OR2L13: variants seen among roughly 807,000 people sequenced by gnomAD.
OR2L13 encodes the protein olfactory receptor 2L13.
Under a neutral mutation model 15.3 loss-of-function variants are expected in OR2L13, and 14 were observed. The observed-to-expected ratio is 0.91, with a 90% CI of 0.60 to 1.43. OR2L13 has a LOEUF of 1.43. Among genes scored for constraint, OR2L13 ranks in the 40% most tolerant of loss-of-function variants. The pLI is 0.00. For missense variants in OR2L13, 367 were observed against 387.9 expected (o/e 0.95, Z 0.45); for synonymous variants, 152 against 142.9 (o/e 1.06, Z -0.45).
At chr1:248,044,414 A>G in the OR2L13 span, among the ~76,000 whole-genome samples, 1 of 152,212 alleles carries the variant, frequency 6.6e-6, no homozygotes, top group Non-Finnish European at 1.5e-5. Flanking sequence ...TGCAGGATGC[A>G]GCGTCTTCAT....
the OR2L13 span, among the ~76,000 whole-genome samples, chr1:247,967,010 C>T: frequency 6.8e-5 from 10 of 147,986 alleles, no homozygotes; most frequent in South Asian, 2.2e-4. Flanking sequence ...CCTTCTGCAC[C>T]GTAACACCTT....
At chr1:248,018,022 G>T in the OR2L13 span, among the ~76,000 whole-genome samples, 7 of 151,990 alleles carry the variant, frequency 4.6e-5, no homozygotes, top group Non-Finnish European at 1.0e-4. Context: ...TGGCGTGGTG[G>T]TGGGCCCCTG....
At chr1:247,986,943 T>G in the OR2L13 span, among the ~76,000 whole-genome samples, 1 of 152,242 alleles carries the variant, frequency 6.6e-6, no homozygotes. Flanking sequence ...ACAGGATATA[T>G]TTCCATTTAT....
At chr1:248,036,399 T>A in the OR2L13 span, among the ~76,000 whole-genome samples, 7 of 152,242 alleles carry the variant, frequency 4.6e-5, no homozygotes, top group East Asian at 1.3e-3. Flanking sequence ...GTGGATTTTA[T>A]AACATATCAT....
chr1:247,989,570 A>C, the OR2L13 span, among the ~76,000 whole-genome samples: 2 of 152,204 alleles, frequency 1.3e-5, no homozygotes, highest in African/African-American at 2.4e-5. Context: ...TGTGGTTATA[A>C]ATATTTCTCT....
At chr1:247,973,003 TAAAC>T in the OR2L13 span, among the ~76,000 whole-genome samples, 2 of 152,132 alleles carry the variant, frequency 1.3e-5, no homozygotes, top group African/African-American at 4.8e-5. Context: ...ATCCATCAAA[TAAAC>T]AGAACCAATG....
chr1:247,990,281 T>C, the OR2L13 span: 1 of 974,438 alleles, frequency 1.0e-6, no homozygotes, highest in Non-Finnish European at 1.7e-6. Flanking sequence ...AAAATTACAA[T>C]CAAACATCAA....
the OR2L13 span, among the ~76,000 whole-genome samples, chr1:247,968,245 T>C: frequency 6.6e-6 from 1 of 152,278 alleles, no homozygotes; most frequent in Admixed American, 6.5e-5. Flanking sequence ...TTATGTAACT[T>C]ACCCTAAATC....
the OR2L13 span, among the ~76,000 whole-genome samples, chr1:247,945,003 T>A: frequency 1.3e-5 from 2 of 152,166 alleles, no homozygotes; most frequent in African/African-American, 2.4e-5. Context: ...TGTCTCCATG[T>A]CCTTCAGTTT....
chr1:248,022,094 C>A, the OR2L13 span: 1 of 1,613,892 alleles, frequency 6.2e-7, no homozygotes, highest in Middle Eastern at 1.7e-4. Flanking sequence ...TTCTCATCTT[C>A]TTGGACACCC....
At chr1:247,965,962 G>A in the OR2L13 span, 2 of 1,609,330 alleles carry the variant, frequency 1.2e-6, no homozygotes, top group Non-Finnish European at 1.7e-6. Context: ...CTCCCAGTAT[G>A]AGTATACAGT....
At chr1:247,957,424 C>T in the OR2L13 span, among the ~76,000 whole-genome samples, 2 of 152,076 alleles carry the variant, frequency 1.3e-5, no homozygotes, top group Non-Finnish European at 2.9e-5. Context: ...TGTGTCTCTG[C>T]CTGGCTTTGG....
exon 3 of OR2L13, chr1:248,099,580 G>A: frequency 6.2e-7 from 1 of 1,613,864 alleles, no homozygotes; most frequent in East Asian, 2.2e-5. Context: ...CTCCCTTATG[G>A]ACCTGATGTA....
upstream of OR2L13, among the ~76,000 whole-genome samples, chr1:248,092,604 A>G (rs1229751539): frequency 6.6e-6 from 1 of 152,204 alleles, no homozygotes; most frequent in African/African-American, 2.4e-5. Flanking sequence ...ACAGACTTTC[A>G]CAAATTATAC....
the OR2L13 span, among the ~76,000 whole-genome samples, chr1:248,067,879 A>T: frequency 6.6e-6 from 1 of 152,218 alleles, no homozygotes; most frequent in Non-Finnish European, 1.5e-5. Flanking sequence ...ACGCCCACAG[A>T]GTCTCGCTGA....
the OR2L13 span, among the ~76,000 whole-genome samples, chr1:248,021,299 A>G: frequency 8.5e-5 from 13 of 152,188 alleles, no homozygotes; most frequent in East Asian, 2.1e-3. Context: ...TTTTTTTCTA[A>G]TTTGGAAAGA....
chr1:248,008,303 A>AT, the OR2L13 span, among the ~76,000 whole-genome samples: 8 of 152,048 alleles, frequency 5.3e-5, no homozygotes, highest in African/African-American at 1.4e-4. Flanking sequence ...CTATTCTTTG[A>AT]TTTTTTCTAT....
At chr1:248,097,773 C>A (rs1028679069) in intron 1 of OR2L13, among the ~76,000 whole-genome samples, 1 of 152,176 alleles carries the variant, frequency 6.6e-6, no homozygotes, top group African/African-American at 2.4e-5. Context: ...GGATTTAAAC[C>A]TGGATTAAAC....
At chr1:247,937,949 T>C in the OR2L13 span, among the ~76,000 whole-genome samples, 1 of 152,188 alleles carries the variant, frequency 6.6e-6, no homozygotes, top group African/African-American at 2.4e-5. Context: ...ATGTTAACCA[T>C]ATTTTGGTGA....
Sources: gnomAD v4.1 joint callset for allele counts (sites outside exome capture counted in the v4.1 genomes callset) on GRCh38, gnomAD v4.1.1 for gene constraint, MANE v1.5 for transcripts, NCBI Gene and HGNC (gene_info 2026-07-23, HGNC 2026-07-21) for gene names.